Variants in DOCK4 observed in about 807,000 individuals in gnomAD.
The protein encoded by DOCK4 is dedicator of cytokinesis 4.
Under a neutral mutation model 268.1 loss-of-function variants are expected in DOCK4, and 97 were observed. The ratio of observed to expected loss-of-function variants is 0.36; its 90% CI spans 0.31 to 0.43. The LOEUF (loss-of-function observed/expected upper bound fraction) is 0.43. Ranked by LOEUF, DOCK4 falls within the 20% of genes least tolerant of loss-of-function variation. DOCK4 has a pLI of 1.00. For missense variants in DOCK4, 2,145 were observed against 2,455.7 expected, an observed-to-expected ratio of 0.87 and a Z score of 2.67; for synonymous variants, 954 against 887.2, an observed-to-expected ratio of 1.08 and a Z score of -1.34.
chr7:111,932,864 G>T (rs1377542057), intron 12 of DOCK4, among the ~76,000 whole-genome samples: 1 of 151,780 alleles, frequency 6.6e-6, no homozygotes, highest in Admixed American at 6.6e-5. Flanking sequence ...ACAGGTCTAG[G>T]GTAAATTTAA....
At chr7:111,809,111 A>G (rs1017864927) in intron 29 of DOCK4, among the ~76,000 whole-genome samples, 190 bp downstream of exon 29, 16 of 152,208 alleles carry the variant, frequency 1.1e-4, no homozygotes, top group African/African-American at 3.9e-4. Context: ...ATCCTGAAAG[A>G]GCCAGGTCAA....
At chr7:111,933,466 T>C (rs1291519835) in intron 12 of DOCK4, among the ~76,000 whole-genome samples, 2 of 151,552 alleles carry the variant, frequency 1.3e-5, no homozygotes, top group Admixed American at 6.6e-5. Context: ...AGCTAATTTT[T>C]TGTATTTTTA....
At chr7:111,747,501 A>T in intron 42 of DOCK4, 58 bp from the exon 43 acceptor site, 1 of 1,479,916 alleles carries the variant, frequency 6.8e-7, no homozygotes, top group Non-Finnish European at 9.1e-7. Flanking sequence ...GAAGAAAGAC[A>T]AAGTAGTTTA....
chr7:112,048,938 C>T (rs1004361858), intron 1 of DOCK4, among the ~76,000 whole-genome samples: 2 of 152,124 alleles, frequency 1.3e-5, no homozygotes, highest in East Asian at 1.9e-4. Context: ...CTCCCCCTAC[C>T]TCCCCCAAAA....
rs1445161788 is a variant in DOCK4, at chr7:111,733,687, T to A, written c.5419+1367A>T. On this transcript the variant is annotated intron_variant, in intron 51 of 52. Coordinates refer to ENST00000428084, the MANE Select transcript of DOCK4 (RefSeq NM_001363540.2). ...CAATATTATTCCTTAAAAAATGCTT[T>A]TCAGGTTCTCAACTTTAGGGACACA... 8.5e-5 allele frequency among the ~76,000 whole-genome samples: 13 copies of A among 152,178 alleles called. No homozygotes were observed. In the East Asian group the frequency reaches 2.5e-3, roughly 29 times the overall value.
chr7:111,809,255 T>C (rs1328990414), intron 29 of DOCK4, 46 bp downstream of exon 29: 3 of 1,396,800 alleles, frequency 2.1e-6, no homozygotes, highest in African/African-American at 1.4e-5. Context: ...AACTAAATAC[T>C]CTTTAAGAGG....
intron 16 of DOCK4, among the ~76,000 whole-genome samples, chr7:111,892,185 G>A (rs572756167): frequency 7.2e-5 from 11 of 152,140 alleles, no homozygotes; most frequent in Admixed American, 6.6e-4. Context: ...TTTAAGGCTC[G>A]TACAGATTGA....
intron 1 of DOCK4, among the ~76,000 whole-genome samples, chr7:112,174,759 T>C (rs1818355550): frequency 6.6e-6 from 1 of 152,122 alleles, no homozygotes; most frequent in Non-Finnish European, 1.5e-5. Flanking sequence ...TACCATCCAA[T>C]TTTAAGGCTC....
intron 23 of DOCK4, among the ~76,000 whole-genome samples, chr7:111,851,634 T>C (rs762796306): frequency 2.6e-5 from 4 of 151,996 alleles, no homozygotes; most frequent in African/African-American, 4.8e-5. Flanking sequence ...GATCCCTATT[T>C]GTTGCCTTCT....
chr7:112,198,461 T>C (rs547256678), intron 1 of DOCK4, among the ~76,000 whole-genome samples: 8 of 152,294 alleles, frequency 5.3e-5, no homozygotes, highest in African/African-American at 1.4e-4. Context: ...TTACTTTAAC[T>C]CCTCATATCT....
intron 43 of DOCK4, among the ~76,000 whole-genome samples, chr7:111,746,626 A>C (rs1196946807): frequency 6.6e-6 from 1 of 152,174 alleles, no homozygotes; most frequent in Admixed American, 6.5e-5. Flanking sequence ...TTGTACAATA[A>C]GTACCCTTGC....
In DOCK4 at chr7:112,081,283, G is replaced by C. The variant is rs142786419; in HGVS notation, c.38-77152C>G. Among the ~76,000 whole-genome samples the C allele has an allele frequency of 4.0e-3, 603 of 152,260 alleles. 5 individuals carry two copies. The highest frequency in any genetic ancestry group is 0.013 in the African/African-American group (561 of 41,558). On this transcript the variant is annotated intron_variant, in intron 1 of 52. Coordinates refer to ENST00000428084, the MANE Select transcript of DOCK4 (RefSeq NM_001363540.2). ...AGCATGACTCCGTTTCCACATGACAGCTACTTCTCAGGGCTCTAAGACACT... is the reference window on the plus strand; with the variant it reads ...AGCATGACTCCGTTTCCACATGACACCTACTTCTCAGGGCTCTAAGACACT...
At chr7:112,024,455 A>C (rs1487728045) in intron 1 of DOCK4, among the ~76,000 whole-genome samples, 7 of 152,170 alleles carry the variant, frequency 4.6e-5, no homozygotes, top group African/African-American at 1.7e-4. Flanking sequence ...GTAAATGGCC[A>C]ATGCATTCCC....
intron 47 of DOCK4, among the ~76,000 whole-genome samples, chr7:111,740,765 A>G (rs996778449): frequency 7.0e-6 from 1 of 141,888 alleles, no homozygotes; most frequent in African/African-American, 2.7e-5. Flanking sequence ...AAAAAAGGCA[A>G]GCTAAGAGGC....
rs1184110309 is a variant in DOCK4 at position 111,895,597 on chromosome 7, T to A, written c.1587+15A>T. 2.5e-6 allele frequency: 4 copies of A among 1,611,220 alleles called. No individual in the cohort carries two copies. In the Admixed American group the frequency reaches 5.0e-5, roughly 20 times the overall value. ...TGTTTTTTACTGCCCATCGCCACCATCTGACTGATGTTACCTTATGCACGA... is the reference window on the plus strand; with the variant it reads ...TGTTTTTTACTGCCCATCGCCACCAACTGACTGATGTTACCTTATGCACGA... On this transcript the variant is annotated intron_variant, in intron 16 of 52. Coordinates refer to ENST00000428084, the MANE Select transcript of DOCK4 (RefSeq NM_001363540.2).
chr7:111,976,942 T>C (rs1798250311), intron 8 of DOCK4, 190 bp downstream of exon 8: 2 of 546,208 alleles, frequency 3.7e-6, no homozygotes, highest in Non-Finnish European at 6.3e-6. Flanking sequence ...TTTCAAAGAA[T>C]GCTGCATTCA....
chr7:112,118,956 TA>T (rs1327393504), intron 1 of DOCK4, among the ~76,000 whole-genome samples: 3 of 152,200 alleles, frequency 2.0e-5, no homozygotes, highest in Non-Finnish European at 4.4e-5. Flanking sequence ...GGCCTACATA[TA>T]GCTCGTACGC....
intron 1 of DOCK4, among the ~76,000 whole-genome samples, chr7:112,100,599 A>G (rs1292238196): frequency 6.6e-6 from 1 of 152,214 alleles, no homozygotes; most frequent in African/African-American, 2.4e-5. Context: ...AAAGATGGCG[A>G]CGTACTTTGA....
intron 42 of DOCK4, among the ~76,000 whole-genome samples, chr7:111,748,485 T>C (rs2133490392): frequency 6.6e-6 from 1 of 152,278 alleles, no homozygotes; most frequent in South Asian, 2.1e-4. Flanking sequence ...AAGGAATACA[T>C]TCAAATGGCC....
Sources: allele counts gnomAD v4.1 joint callset (sites outside exome capture counted in the v4.1 genomes callset), GRCh38; gene constraint gnomAD v4.1.1; transcripts MANE v1.5; gene names NCBI Gene and HGNC (gene_info 2026-07-23, HGNC 2026-07-21).